Variants in RNF24 observed in about 807,000 individuals in gnomAD.
RNF24 encodes the protein ring finger protein 24.
Under a neutral mutation model 20.0 loss-of-function variants are expected in RNF24, and 14 were observed. That is an observed-to-expected ratio of 0.70 (90% CI 0.46 to 1.10). RNF24 has a LOEUF of 1.10. RNF24 is among the 50% of genes least tolerant of loss of function. The pLI is 0.00. For missense variants in RNF24, 124 were observed against 177.6 expected, an observed-to-expected ratio of 0.70 and a Z score of 1.71; for synonymous variants, 45 against 61.1, an observed-to-expected ratio of 0.74 and a Z score of 1.23.
chr20:3,941,552 C>A (rs542873657), intron 4 of RNF24, among the ~76,000 whole-genome samples: 2 of 150,582 alleles, frequency 1.3e-5, no homozygotes, highest in African/African-American at 4.9e-5. Flanking sequence ...TTCTAATAAC[C>A]CAAAAGAAGG....
intron 2 of RNF24, among the ~76,000 whole-genome samples, chr20:3,957,021 AG>A (rs1174854734): frequency 2.6e-5 from 4 of 152,036 alleles, no homozygotes; most frequent in African/African-American, 9.7e-5. Flanking sequence ...AGCTGGGCTC[AG>A]TGGCTCATGC....
At chr20:3,949,329 G>A (rs1322340440) in intron 2 of RNF24, among the ~76,000 whole-genome samples, 5 of 151,970 alleles carry the variant, frequency 3.3e-5, no homozygotes, top group African/African-American at 7.3e-5. Context: ...GCAGTGAGCC[G>A]AGATCATGCC....
chr20:3,971,123 T>A (rs1417590559), intron 1 of RNF24, among the ~76,000 whole-genome samples: 1 of 151,948 alleles, frequency 6.6e-6, no homozygotes, highest in Non-Finnish European at 1.5e-5. Flanking sequence ...CACTAAAAAA[T>A]CTTGAAAGCA....
rs1439669025 is a variant in RNF24, at chr20:3,928,737, G to A, written c.*5326C>T. 1.0e-5 allele frequency: 1 copy of A among 99,476 alleles called. No homozygotes were observed. The allele number at this position is 99,476 out of a possible 1,614,324, so 6.2% of individuals were successfully genotyped here. On this transcript the variant is annotated 3_prime_UTR_variant, in exon 6 of 6. Coordinates refer to ENST00000358395, the MANE Select transcript of RNF24 (RefSeq NM_001134337.3). ...CATTCCAGCCTGGGTGACAGAGCGA[G>A]ACTCCGTCTCAAAAAAAAAAAAAAA...
chr20:4,012,863 G>A (rs1401997369), intron 1 of RNF24, among the ~76,000 whole-genome samples: 2 of 152,102 alleles, frequency 1.3e-5, no homozygotes, highest in Non-Finnish European at 2.9e-5. Context: ...TGATAATTCC[G>A]GTTATGCTAC....
intron 1 of RNF24, among the ~76,000 whole-genome samples, chr20:3,976,772 T>C (rs1978903181): frequency 6.6e-6 from 1 of 152,148 alleles, no homozygotes; most frequent in Non-Finnish European, 1.5e-5. Flanking sequence ...AAAAAGCCAA[T>C]CCCAGGTTAC....
At position 3,934,039 on chromosome 20, in the gene RNF24, C is replaced by CAACA. The variant is rs780408159; in HGVS notation, c.*20_*23dup. The stretch of plus-strand genomic sequence containing the variant: ...GGCTCCACACAGACGTCGTGTCCAG[C>CAACA]AACAGTCTGATCCTTGCGGTAAGCT... On this transcript the variant is annotated 3_prime_UTR_variant, in exon 6 of 6. Coordinates refer to ENST00000358395, the MANE Select transcript of RNF24 (RefSeq NM_001134337.3). The surrounding 1 kb of genome is among the most constrained non-coding windows in gnomAD (Gnocchi z 4.0). 54 of 1,432,754 alleles carry CAACA rather than the reference C, an allele frequency of 3.8e-5. No individual in the cohort carries two copies. The African/African-American group carries it at 7.8e-4, about 21-fold the overall frequency. The allele number at this position is 1,432,754 out of a possible 1,614,324, so 88.8% of individuals were successfully genotyped here. A position where few individuals can be genotyped will look rare whatever the true frequency, so the allele number is the denominator to read the frequency against.
chr20:3,994,612 G>T (rs1980715777), intron 1 of RNF24, among the ~76,000 whole-genome samples: 1 of 152,152 alleles, frequency 6.6e-6, no homozygotes, highest in Non-Finnish European at 1.5e-5. Flanking sequence ...TTGCTGAACT[G>T]TCAGTGATCC....
At chr20:3,949,879 A>T (rs2091062446) in intron 2 of RNF24, among the ~76,000 whole-genome samples, 1 of 152,166 alleles carries the variant, frequency 6.6e-6, no homozygotes. Context: ...AACTATGAAG[A>T]TATTCTCCTG....
chr20:3,944,743 G>T (rs1003980725), intron 4 of RNF24, among the ~76,000 whole-genome samples: 1 of 152,188 alleles, frequency 6.6e-6, no homozygotes, highest in Non-Finnish European at 1.5e-5. Flanking sequence ...ATCGCTACCT[G>T]TGTGTTCTTC....
At chr20:3,991,062 C>A (rs1223090343) in intron 1 of RNF24, among the ~76,000 whole-genome samples, 4 of 152,102 alleles carry the variant, frequency 2.6e-5, no homozygotes, top group Non-Finnish European at 5.9e-5. Flanking sequence ...ATATAAAAAA[C>A]TGGTATCAGT....
At chr20:3,974,577 CATAT>C (rs1181348175) in intron 1 of RNF24, among the ~76,000 whole-genome samples, 2 of 152,028 alleles carry the variant, frequency 1.3e-5, no homozygotes, top group Non-Finnish European at 2.9e-5. Context: ...ACCAGATATA[CATAT>C]AAAAATCAAC....
At chr20:3,982,135 CAA>C (rs1979463561) in intron 1 of RNF24, among the ~76,000 whole-genome samples, 1 of 149,436 alleles carries the variant, frequency 6.7e-6, no homozygotes, top group Non-Finnish European at 1.5e-5. Flanking sequence ...CTCTCTCTCT[CAA>C]TAAATAAATA....
At chr20:4,012,818 C>G (rs1344112019) in intron 1 of RNF24, among the ~76,000 whole-genome samples, 1 of 152,166 alleles carries the variant, frequency 6.6e-6, no homozygotes, top group Non-Finnish European at 1.5e-5. Flanking sequence ...AATTAAACTT[C>G]CATGAAATTG....
At position 3,933,365 on chromosome 20, in the gene RNF24, G is replaced by C; in HGVS notation, c.*698C>G. 2.5e-6 allele frequency: 1 copy of C among 396,668 alleles called. No homozygotes were observed. The highest frequency in any genetic ancestry group is 3.6e-5 in the East Asian group (1 of 27,980). 24.6% of individuals were successfully genotyped at this position (396,668 alleles called of 1,614,324 possible). A position where few individuals can be genotyped will look rare whatever the true frequency, so the allele number is the denominator to read the frequency against. On this transcript the variant is annotated 3_prime_UTR_variant, in exon 6 of 6. Transcript: ENST00000358395. The stretch of plus-strand genomic sequence containing the variant: ...AGTGTGGACTCAGGGCCCACTCCCT[G>C]CTGGGGCTCTGGACGGGCCTTACTG...
At chr20:3,966,557 A>T (rs1384900500) in intron 1 of RNF24, among the ~76,000 whole-genome samples, 1 of 150,998 alleles carries the variant, frequency 6.6e-6, no homozygotes, top group Non-Finnish European at 1.5e-5. Flanking sequence ...CCATAAAGGA[A>T]GCCTTGACAA....
chr20:3,968,272 A>G (rs1173096281), intron 1 of RNF24, among the ~76,000 whole-genome samples: 1 of 151,674 alleles, frequency 6.6e-6, no homozygotes, highest in Non-Finnish European at 1.5e-5. Context: ...ATTGCACTCC[A>G]GCCTGGGACA....
At chr20:3,991,065 G>C (rs989873681) in intron 1 of RNF24, among the ~76,000 whole-genome samples, 27 of 151,856 alleles carry the variant, frequency 1.8e-4, no homozygotes, top group African/African-American at 6.5e-4. Context: ...TAAAAAACTG[G>C]TATCAGTGAT....
At chr20:3,953,002 T>G (rs1460219189) in intron 2 of RNF24, among the ~76,000 whole-genome samples, 1 of 152,180 alleles carries the variant, frequency 6.6e-6, no homozygotes, top group Non-Finnish European at 1.5e-5. Flanking sequence ...ATCACAATTA[T>G]GCTGGCCTCA....
Sources: allele counts gnomAD v4.1 joint callset (sites outside exome capture counted in the v4.1 genomes callset), GRCh38; gene constraint gnomAD v4.1.1; non-coding constraint Gnocchi (gnomAD v3.1); transcripts MANE v1.5; gene names NCBI Gene and HGNC (gene_info 2026-07-23, HGNC 2026-07-21).